Variants in CDC25C observed in about 807,000 individuals in gnomAD.
The protein encoded by CDC25C is cell division cycle 25C.
In CDC25C, 48 loss-of-function variants were observed where a neutral mutation model predicts 52.5. The observed-to-expected ratio is 0.91, with a 90% confidence interval of 0.72 to 1.16. The LOEUF (loss-of-function observed/expected upper bound fraction) is 1.16, where lower values mean the gene tolerates loss of function less well. Among genes scored for constraint, CDC25C ranks in the 50% most tolerant of loss-of-function variants. CDC25C has a pLI of 0.00. For missense variants in CDC25C, 510 were observed against 566.1 expected, an observed-to-expected ratio of 0.90 and a Z score of 1.01; for synonymous variants, 187 against 206.5, an observed-to-expected ratio of 0.91 and a Z score of 0.81.
intron 7 of CDC25C, among the ~76,000 whole-genome samples, chr5:138,318,656 A>G (rs1759095341): frequency 2.0e-5 from 3 of 152,152 alleles, no homozygotes; most frequent in Admixed American, 1.3e-4. Flanking sequence ...AGGAGGTCGC[A>G]GTGAGCCAAG....
At position 138,287,160 on chromosome 5, in the gene CDC25C, T is replaced by G; in HGVS notation, c.1026+9A>C. ...CCCTCCCCTACTAATGGCCACAATGTCGTCTCACCTGGATGTGTCCTCCCA... is the reference window on the plus strand; with the variant it reads ...CCCTCCCCTACTAATGGCCACAATGGCGTCTCACCTGGATGTGTCCTCCCA... On this transcript the variant is annotated intron_variant, in intron 11 of 13. Transcript: ENST00000323760. 6.3e-7 allele frequency: 1 copy of G among 1,597,144 alleles called. No homozygotes were observed. Among genetic ancestry groups the G allele is most frequent in the South Asian group, 1.1e-5 (1 of 90,728 alleles).
intron 7 of CDC25C, among the ~76,000 whole-genome samples, chr5:138,303,582 G>A (rs1050258120): frequency 6.6e-6 from 1 of 152,104 alleles, no homozygotes; most frequent in African/African-American, 2.4e-5. Flanking sequence ...CTTCTGCTGG[G>A]AATGACTCAT....
At chr5:138,331,254 A>C (rs2126852582) in intron 1 of CDC25C, 36 bp from the exon 2 acceptor site, 2 of 1,385,576 alleles carry the variant, frequency 1.4e-6, no homozygotes, top group East Asian at 4.6e-5. Flanking sequence ...GGTACATCAC[A>C]GTTCCCTCAG....
chr5:138,289,904 A>G (rs1756570105), intron 9 of CDC25C, among the ~76,000 whole-genome samples: 1 of 151,766 alleles, frequency 6.6e-6, no homozygotes, highest in Admixed American at 6.6e-5. Context: ...ATATGGAGCT[A>G]TTAAAATGAA....
chr5:138,286,275 A>T (rs1756221215), intron 12 of CDC25C, 142 bp from the exon 13 acceptor site: 2 of 787,596 alleles, frequency 2.5e-6, no homozygotes, highest in Non-Finnish European at 4.0e-6. Flanking sequence ...TTGCAAAAAA[A>T]GGTCCAAGTA....
chr5:138,300,237 A>G (rs188893395), intron 7 of CDC25C, among the ~76,000 whole-genome samples: 2 of 152,310 alleles, frequency 1.3e-5, no homozygotes, highest in Non-Finnish European at 2.9e-5. Context: ...CAAGGTTGAT[A>G]TAACATCTGA....
chr5:138,289,054 A>G (rs927179368), intron 10 of CDC25C, among the ~76,000 whole-genome samples: 1 of 152,108 alleles, frequency 6.6e-6, no homozygotes, highest in African/African-American at 2.4e-5. Flanking sequence ...AACCTCCCCA[A>G]CTGGGGTTCA....
upstream of CDC25C, chr5:138,333,563 T>C (rs1301673023): frequency 2.0e-5 from 3 of 151,808 alleles, no homozygotes; most frequent in Non-Finnish European, 4.4e-5. Flanking sequence ...ATTAAGGGAG[T>C]GTGGGATGAG....
chr5:138,306,487 A>ATTT, intron 7 of CDC25C, among the ~76,000 whole-genome samples: 1 of 151,788 alleles, frequency 6.6e-6, no homozygotes, highest in Non-Finnish European at 1.5e-5. Flanking sequence ...TATTATTATT[A>ATTT]TATTTTGAGA....
intron 7 of CDC25C, among the ~76,000 whole-genome samples, chr5:138,292,330 C>T (rs949180072): frequency 3.9e-5 from 6 of 152,016 alleles, no homozygotes; most frequent in African/African-American, 1.4e-4. Context: ...TCTTCATAGG[C>T]CCGTTAATAT....
chr5:138,310,429 TC>T (rs781188461), intron 7 of CDC25C, among the ~76,000 whole-genome samples: 7 of 152,184 alleles, frequency 4.6e-5, no homozygotes, highest in Non-Finnish European at 1.0e-4. Context: ...CGCACTCTCC[TC>T]TGAATCATCA....
At position 138,286,634 on chromosome 5, in the gene CDC25C, TAGA is replaced by T. The variant is rs1448947055; in HGVS notation, c.1027-7_1027-5del. 1 of 1,606,776 alleles carries T rather than the reference TAGA, an allele frequency of 6.2e-7. No individual in the cohort carries two copies. The highest frequency in any genetic ancestry group is 1.1e-5 in the South Asian group (1 of 90,188). ...GACTATATAAGTTTAAGGCTCCCTG[TAGA>T]AGAAGAATTTTAGTAAGTATTTCCT... On this transcript the variant is annotated splice_region_variant and splice_polypyrimidine_tract_variant and intron_variant, in intron 11 of 13. Coordinates refer to ENST00000323760, the MANE Select transcript of CDC25C (RefSeq NM_001790.5).
rs547482356 is a variant in CDC25C, at chr5:138,286,449, A to G, written c.1160+48T>C. The G allele has an allele frequency of 5.1e-6, 8 of 1,574,270 alleles. No individual in the cohort carries two copies. In the African/African-American group the frequency reaches 9.5e-5, roughly 19 times the overall value. On this transcript the variant is annotated intron_variant, in intron 12 of 13. Coordinates refer to ENST00000323760, the MANE Select transcript of CDC25C (RefSeq NM_001790.5). Reference sequence around the variant, plus strand: ...TGTCTGAACTGGTGTGGGAAGTCCAACTCAAAATCCATTTCCATCACCCGC... The same window carrying G: ...TGTCTGAACTGGTGTGGGAAGTCCAGCTCAAAATCCATTTCCATCACCCGC...
intron 12 of CDC25C, 75 bp from the exon 13 acceptor site, chr5:138,286,208 G>A (rs576799173): frequency 8.2e-5 from 94 of 1,152,118 alleles, no homozygotes; most frequent in Non-Finnish European, 1.1e-4. Flanking sequence ...CACTGGGGAG[G>A]GGGGAGAGGA....
rs201471410 is a variant in CDC25C at position 138,321,371 on chromosome 5, T to TA, written c.460-1998dup. ...AATATTATGTACATTTTACTGCAAT[T>TA]AAAAAAAATCACATATAAGACTATC... On this transcript the variant is annotated intron_variant, in intron 6 of 13. Coordinates refer to ENST00000323760, the MANE Select transcript of CDC25C (RefSeq NM_001790.5). 5.4e-3 allele frequency among the ~76,000 whole-genome samples: 814 copies of TA among 151,866 alleles called. 37 individuals carry two copies. The East Asian group carries it at 0.1, about 19-fold the overall frequency.
intron 11 of CDC25C, among the ~76,000 whole-genome samples, chr5:138,286,867 C>T (rs931809398): frequency 3.9e-5 from 6 of 152,034 alleles, no homozygotes; most frequent in Non-Finnish European, 5.9e-5. Context: ...GAGATCACTG[C>T]GAGGAATGTT....
intron 7 of CDC25C, among the ~76,000 whole-genome samples, chr5:138,292,838 C>T (rs1262249053): frequency 6.6e-6 from 1 of 152,168 alleles, no homozygotes; most frequent in Non-Finnish European, 1.5e-5. Flanking sequence ...CAAATGACCT[C>T]TGATAACACC....
At chr5:138,298,197 C>G (rs1757358509) in intron 7 of CDC25C, among the ~76,000 whole-genome samples, 1 of 147,928 alleles carries the variant, frequency 6.8e-6, no homozygotes, top group Non-Finnish European at 1.5e-5. Flanking sequence ...GACAAGGTCT[C>G]TCTTTGTTGC....
chr5:138,300,989 T>C (rs536209869), intron 7 of CDC25C, among the ~76,000 whole-genome samples: 5 of 152,280 alleles, frequency 3.3e-5, no homozygotes, highest in Non-Finnish European at 5.9e-5. Flanking sequence ...ATATCAAAAT[T>C]TGTGAGATGC....
Sources: allele counts gnomAD v4.1 joint callset (sites outside exome capture counted in the v4.1 genomes callset), GRCh38; gene constraint gnomAD v4.1.1; transcripts MANE v1.5; gene names NCBI Gene and HGNC (gene_info 2026-07-23, HGNC 2026-07-21).